The following BBX variants were observed in gnomAD, a reference collection of about 807,000 sequenced individuals.
BBX encodes the protein HMG box transcription factor BBX.
In BBX, 30 loss-of-function variants were observed where a neutral mutation model predicts 100.2. That is an observed-to-expected ratio of 0.30 (90% CI 0.22 to 0.41). BBX has a LOEUF of 0.41. Among genes scored for constraint, BBX ranks in the 10% least tolerant of loss-of-function variants. The probability of loss-of-function intolerance (pLI) is 1.00; values close to 1 mark genes in which losing one functional copy is unlikely to be tolerated. For missense variants in BBX, 1,023 were observed against 1,129.8 expected, an observed-to-expected ratio of 0.91 and a Z score of 1.35; for synonymous variants, 376 against 388.1, an observed-to-expected ratio of 0.97 and a Z score of 0.37.
intron 2 of BBX, among the ~76,000 whole-genome samples, chr3:107,561,405 A>G (rs2050487210): frequency 6.6e-6 from 1 of 152,184 alleles, no homozygotes; most frequent in South Asian, 2.1e-4. Context: ...TGAAACTCTA[A>G]AACATCTGCA....
intron 2 of BBX, among the ~76,000 whole-genome samples, chr3:107,578,261 G>A (rs2051959244): frequency 6.6e-6 from 1 of 152,150 alleles, no homozygotes; most frequent in African/African-American, 2.4e-5. Flanking sequence ...GGAGACATGG[G>A]GGGAGTAGTC....
intron 2 of BBX, among the ~76,000 whole-genome samples, chr3:107,598,611 T>C (rs1322636912): frequency 1.3e-5 from 2 of 152,226 alleles, no homozygotes; most frequent in Non-Finnish European, 2.9e-5. Context: ...AGATATAATT[T>C]ATATTAATTC....
intron 2 of BBX, among the ~76,000 whole-genome samples, chr3:107,527,176 G>A (rs1320499553): frequency 6.6e-6 from 1 of 152,182 alleles, no homozygotes; most frequent in Non-Finnish European, 1.5e-5. Flanking sequence ...TTTGAAAGCA[G>A]CACAGTGAGC....
intron 2 of BBX, among the ~76,000 whole-genome samples, chr3:107,574,034 C>T (rs1018937792): frequency 6.6e-6 from 1 of 152,148 alleles, no homozygotes; most frequent in Non-Finnish European, 1.5e-5. Context: ...AAATCTTTTT[C>T]TTTATAAGTA....
chr3:107,663,797 T>C (rs1293257881), intron 3 of BBX, among the ~76,000 whole-genome samples: 1 of 147,630 alleles, frequency 6.8e-6, no homozygotes, highest in Non-Finnish European at 1.5e-5. Flanking sequence ...TTTTCTTTCT[T>C]TCTCTTTTTT....
intron 13 of BBX, among the ~76,000 whole-genome samples, chr3:107,778,891 G>A (rs189096236): frequency 4.0e-5 from 6 of 150,652 alleles, no homozygotes; most frequent in Admixed American, 1.3e-4. Flanking sequence ...GGTTGAACTC[G>A]GGGACTGTAA....
chr3:107,615,993 G>A (rs1212105099), intron 2 of BBX, among the ~76,000 whole-genome samples: 2 of 110,328 alleles, frequency 1.8e-5, no homozygotes, highest in African/African-American at 3.6e-5. Context: ...AGAAGCACAC[G>A]CTACTCACCT....
chr3:107,792,274 A>G (rs1210488802), intron 15 of BBX, among the ~76,000 whole-genome samples: 2 of 152,168 alleles, frequency 1.3e-5, no homozygotes, highest in African/African-American at 2.4e-5. Context: ...GAGTCACTTC[A>G]TTTGAAAACT....
At chr3:107,659,782 G>A in intron 3 of BBX, 1 of 1,266,680 alleles carries the variant, frequency 7.9e-7, no homozygotes, top group South Asian at 1.3e-5. Flanking sequence ...TAAGTGTGTA[G>A]ATACAGAAGT....
At chr3:107,625,961 C>G (rs1186757364) in intron 2 of BBX, among the ~76,000 whole-genome samples, 1 of 151,852 alleles carries the variant, frequency 6.6e-6, no homozygotes. Flanking sequence ...AATATATATA[C>G]CTTACATCTT....
intron 3 of BBX, among the ~76,000 whole-genome samples, chr3:107,708,077 C>T (rs957746568): frequency 1.3e-5 from 2 of 152,160 alleles, no homozygotes; most frequent in African/African-American, 4.8e-5. Context: ...ACAGAAACAA[C>T]CATTTCCTCT....
chr3:107,739,001 C>A (rs985074097), intron 7 of BBX, among the ~76,000 whole-genome samples: 3 of 152,138 alleles, frequency 2.0e-5, no homozygotes, highest in African/African-American at 4.8e-5. Context: ...AGGCAAAAAT[C>A]TGAGACACAG....
At chr3:107,573,517 G>A (rs1364355098) in intron 2 of BBX, among the ~76,000 whole-genome samples, 3 of 152,062 alleles carry the variant, frequency 2.0e-5, no homozygotes, top group Non-Finnish European at 2.9e-5. Context: ...ATGAGATCAC[G>A]CCATTGCATT....
At chr3:107,726,459 T>TTTA (rs3053268) in intron 5 of BBX, among the ~76,000 whole-genome samples, 57,574 of 151,608 alleles carry the variant, frequency 0.38, 12,151 homozygotes, top group East Asian at 0.92. Flanking sequence ...TTCCACTCAA[T>TTTA]TTATACTTGA....
intron 2 of BBX, 191 bp downstream of exon 2, chr3:107,526,589 A>G (rs899617364): frequency 5.3e-6 from 2 of 380,504 alleles, no homozygotes; most frequent in African/African-American, 4.1e-5. Context: ...GGTTATTATT[A>G]AGATAGTAAA....
At position 107,802,852 on chromosome 3, in the gene BBX, C is replaced by T. The variant is rs544856224; in HGVS notation, c.2738+1571C>T. Among the ~76,000 whole-genome samples the T allele has an allele frequency of 8.1e-4, 123 of 152,300 alleles. 1 individual carries two copies. The highest frequency in any genetic ancestry group is 1.3e-4 in the Non-Finnish European group (9 of 68,026). On this transcript the variant is annotated intron_variant, in intron 17 of 17. Coordinates refer to ENST00000325805, the MANE Select transcript of BBX (RefSeq NM_001142568.3). The stretch of plus-strand genomic sequence containing the variant: ...ACGCCAAGCTCTTGCCTTGTACATC[C>T]TCTGATCAGGTGAACTGCTCTCCTT...
At chr3:107,684,658 C>T (rs1341878705) in intron 3 of BBX, 1 of 152,050 alleles carries the variant, frequency 6.6e-6, no homozygotes, top group East Asian at 1.9e-4. Context: ...AACAGTTTTC[C>T]CATAGTTGAG....
At chr3:107,721,198 C>G (rs1309486348) in intron 5 of BBX, among the ~76,000 whole-genome samples, 1 of 152,042 alleles carries the variant, frequency 6.6e-6, no homozygotes, top group Non-Finnish European at 1.5e-5. Context: ...TTCAGAACAT[C>G]TTTTGACTGT....
At chr3:107,592,541 T>C in intron 2 of BBX, among the ~76,000 whole-genome samples, 1 of 152,074 alleles carries the variant, frequency 6.6e-6, no homozygotes, top group East Asian at 1.9e-4. Context: ...TTTAGGGAAA[T>C]GTGAAACATT....
Sources: gnomAD v4.1 joint callset for allele counts (sites outside exome capture counted in the v4.1 genomes callset) on GRCh38, gnomAD v4.1.1 for gene constraint, MANE v1.5 for transcripts, NCBI Gene and HGNC (gene_info 2026-07-23, HGNC 2026-07-21) for gene names.